TASOR2: variants seen among roughly 807,000 people sequenced by gnomAD.
TASOR2 encodes transcription activation suppressor family member 2.
A neutral mutation model predicts 199.5 loss-of-function variants in TASOR2; 84 were observed. The observed-to-expected ratio is 0.42, with a 90% confidence interval of 0.35 to 0.50. The LOEUF is 0.50. Among genes scored for constraint, TASOR2 ranks in the 20% least tolerant of loss-of-function variants. The pLI is 0.02. For synonymous variants in TASOR2, 1,103 were observed against 1,046.6 expected, an observed-to-expected ratio of 1.05 and a Z score of -1.04; for missense variants, 2,796 against 2,835.9, an observed-to-expected ratio of 0.99 and a Z score of 0.32.
At chr10:5,700,512 C>G (rs1252766597) in intron 1 of TASOR2, among the ~76,000 whole-genome samples, 1 of 152,068 alleles carries the variant, frequency 6.6e-6, no homozygotes, top group African/African-American at 2.4e-5. Flanking sequence ...GCTCTGTACT[C>G]TTTTCCATAG....
Position 5,759,113 on chromosome 10 carries a change from AGGG to A in TASOR2, c.6992+122_6992+124del. The A allele has an allele frequency of 1.2e-5, 8 of 671,390 alleles. No individual in the cohort carries two copies. In the South Asian group the frequency reaches 1.5e-4, roughly 13 times the overall value. The allele number at this position is 671,390 out of a possible 1,614,324, so 41.6% of individuals were successfully genotyped here. On this transcript the variant is annotated intron_variant, in intron 18 of 20. Transcript: ENST00000328090. Reference sequence around the variant, plus strand: ...ATGGCCTTCATCAGTAAAGAGCATGAGGGCTGCTGGCTCTGTATTCAATGAAGG... The same window carrying A: ...ATGGCCTTCATCAGTAAAGAGCATGACTGCTGGCTCTGTATTCAATGAAGG...
Position 5,720,991 on chromosome 10 carries a change from C to A in TASOR2, c.146+21C>A. ...CAGCTGTAAGTATTAAATGTTATGT[C>A]CTTTACTAATGCTTATATTACAAGT... On this transcript the variant is annotated intron_variant, in intron 6 of 20. Transcript: ENST00000328090. This position sits in a 1 kb window ranked among gnomAD's most constrained non-coding sequence, Gnocchi z 5.3. 1 of 1,560,542 alleles carries A rather than the reference C, an allele frequency of 6.4e-7. No homozygotes were observed. The highest frequency in any genetic ancestry group is 8.7e-7 in the Non-Finnish European group (1 of 1,146,228).
chr10:5,747,729 C>T (rs891213237), exon 15 of TASOR2: 2 of 1,614,008 alleles, frequency 1.2e-6, no homozygotes, highest in Non-Finnish European at 1.7e-6. Context: ...AGAAGAGCAA[C>T]CAAATCTCCC....
chr10:5,699,441 G>C lies in TASOR2; in HGVS notation c.-287-13382G>C, dbSNP rs1435625072. The C allele has an allele frequency of 6.6e-6, 1 of 152,288 alleles. No homozygotes were observed. Among genetic ancestry groups the C allele is most frequent in the East Asian group, 1.9e-4 (1 of 5,192 alleles). 9.4% of individuals were successfully genotyped at this position (152,288 alleles called of 1,614,324 possible). A position where few individuals can be genotyped will look rare whatever the true frequency, so the allele number is the denominator to read the frequency against. The stretch of plus-strand genomic sequence containing the variant: ...CTGTGGATATACTAAGCACAATTCT[G>C]TGGATATACTAAAAGCAATTGAATT... On this transcript the variant is annotated intron_variant, in intron 1 of 20. Coordinates refer to ENST00000328090, the Ensembl canonical transcript of TASOR2. This position sits in a 1 kb window ranked among gnomAD's most constrained non-coding sequence, Gnocchi z 4.1.
Position 5,737,859 on chromosome 10 carries a change from C to T in TASOR2, c.1448-1759C>T, listed in dbSNP as rs1476863468. Among the ~76,000 whole-genome samples, 1 of 152,132 alleles carries T rather than the reference C, an allele frequency of 6.6e-6. No individual in the cohort carries two copies. Among genetic ancestry groups the T allele is most frequent in the Non-Finnish European group, 1.5e-5 (1 of 68,032 alleles). ...TTGCATACTGGCAGAAAAGTGAGCC[C>T]AGAAAATTTAAAGTTTCAAAATGTG... On this transcript the variant is annotated intron_variant, in intron 12 of 20. Coordinates refer to ENST00000328090, the Ensembl canonical transcript of TASOR2. This position sits in a 1 kb window ranked among gnomAD's most constrained non-coding sequence, Gnocchi z 4.9.
At chr10:5,718,239 T>G (rs1832888131) in intron 3 of TASOR2, among the ~76,000 whole-genome samples, 1 of 151,920 alleles carries the variant, frequency 6.6e-6, no homozygotes, top group Non-Finnish European at 1.5e-5. Context: ...ATCGTGCAAT[T>G]AGAATTTTCA....
chr10:5,685,409 C>A lies in TASOR2; in HGVS notation c.-288+234C>A, dbSNP rs1439773440. The stretch of plus-strand genomic sequence containing the variant: ...GCTCGGTGTCGCCGGCAGGGAGATC[C>A]TAACCGTGTCATCTTGCCCCTTTCT... On this transcript the variant is annotated intron_variant, in intron 1 of 20. Transcript: ENST00000328090. The surrounding 1 kb of genome is among the most constrained non-coding windows in gnomAD (Gnocchi z 5.4). Among the ~76,000 whole-genome samples, 1 of 151,874 alleles carries A rather than the reference C, an allele frequency of 6.6e-6. No individual in the cohort carries two copies. The highest frequency in any genetic ancestry group is 1.5e-5 in the Non-Finnish European group (1 of 67,956).
exon 21 of TASOR2, chr10:5,763,312 T>G (rs1840166858): frequency 1.5e-5 from 5 of 331,462 alleles, no homozygotes; most frequent in Non-Finnish European, 2.2e-5. Flanking sequence ...TTAAAAATAA[T>G]TTTACATGTT....
intron 8 of TASOR2, 135 bp downstream of exon 9, chr10:5,724,668 T>C (rs181390978): frequency 3.8e-5 from 7 of 182,934 alleles, no homozygotes; most frequent in Non-Finnish European, 7.9e-5. Flanking sequence ...GATATAGATA[T>C]ATAGATATAG....
Position 5,748,986 on chromosome 10 carries a change from C to A in TASOR2, c.5565C>A (p.Tyr1855Ter), listed in dbSNP as rs1470666882. The change falls in exon 15 of 21, where the codon TAC becomes TAA. Residue 1855 changes from tyrosine to a stop codon, truncating the protein, a stop_gained. Coordinates refer to ENST00000328090, the Ensembl canonical transcript of TASOR2. LOFTEE classifies it high-confidence loss of function. The surrounding 1 kb of genome is among the most constrained non-coding windows in gnomAD (Gnocchi z 5.1). ...ATTCTTATACTTTAAGAGGTAGTTA[C>A]ACCAGGAAAAAAGATGTTCCCACAG... 3.7e-6 allele frequency: 6 copies of A among 1,613,928 alleles called. No individual in the cohort carries two copies. The highest frequency in any genetic ancestry group is 5.1e-6 in the Non-Finnish European group (6 of 1,180,010).
In TASOR2 at chr10:5,762,656, C is replaced by T; in HGVS notation, c.7289+10C>T. 8.2e-7 allele frequency: 1 copy of T among 1,226,648 alleles called. No individual in the cohort carries two copies. Among genetic ancestry groups the T allele is most frequent in the Non-Finnish European group, 1.2e-6 (1 of 857,652 alleles). 76.0% of individuals were successfully genotyped at this position (1,226,648 alleles called of 1,614,324 possible). ...TTAGGAGTAGCTATTGGTAAGAACA[C>T]TTTTTATGTAACTTTCCCATGTGAG... On this transcript the variant is annotated intron_variant, in intron 20 of 20. Transcript: ENST00000328090.
chr10:5,684,937 CAG>C (rs1835639031), exon 1 of TASOR2: 1 of 397,764 alleles, frequency 2.5e-6, no homozygotes, highest in South Asian at 1.3e-4. Flanking sequence ...TGACGGGAGA[CAG>C]AGCGCGGGCG....
rs1483166124 is a variant in TASOR2 at position 5,752,487 on chromosome 10, T to C, written c.6606+2460T>C. Among the ~76,000 whole-genome samples, 2 of 152,200 alleles carry C rather than the reference T, an allele frequency of 1.3e-5. No individual in the cohort carries two copies. The highest frequency in any genetic ancestry group is 4.8e-5 in the African/African-American group (2 of 41,452). The stretch of plus-strand genomic sequence containing the variant: ...CCGTGTGTCGGCTCCACATGCCCAC[T>C]GGGTCTGTCTCAGACTTCACTTACA... On this transcript the variant is annotated intron_variant, in intron 15 of 20. Coordinates refer to ENST00000328090, the Ensembl canonical transcript of TASOR2. This position sits in a 1 kb window ranked among gnomAD's most constrained non-coding sequence, Gnocchi z 4.4.
chr10:5,730,563 G>C lies in TASOR2; in HGVS notation c.564G>C (p.Leu188=), dbSNP rs762449744. 1 of 1,614,126 alleles carries C rather than the reference G, an allele frequency of 6.2e-7. No homozygotes were observed. The highest frequency in any genetic ancestry group is 1.7e-5 in the Admixed American group (1 of 60,010). ...TTTTATCTACCCTTAATTGTGCCCT[G>C]CTAGAAACAAAGAAATCACTTCCTG... is the stretch of plus-strand genomic sequence containing the variant. The change falls in exon 11 of 21, where the codon CTG becomes CTC. Residue 188 remains leucine, a synonymous_variant. Transcript: ENST00000328090. This position sits in a 1 kb window ranked among gnomAD's most constrained non-coding sequence, Gnocchi z 4.1.
At chr10:5,692,149 C>CAAAA (rs3047334) in intron 1 of TASOR2, among the ~76,000 whole-genome samples, 46,303 of 112,126 alleles carry the variant, frequency 0.41, 11,604 homozygotes, top group Non-Finnish European at 0.52. Context: ...CACTCTGTCT[C>CAAAA]AAAAAAAAAA....
chr10:5,718,405 AAAAC>A (rs1240904198), intron 3 of TASOR2, among the ~76,000 whole-genome samples: 3 of 151,200 alleles, frequency 2.0e-5, no homozygotes, highest in African/African-American at 4.9e-5. Context: ...AAAAAAAAAA[AAAAC>A]AAGAGCCTGT....
Position 5,748,910 on chromosome 10 carries a change from C to T in TASOR2, c.5489C>T (p.Ser1830Phe). 1 of 1,614,132 alleles carries T rather than the reference C, an allele frequency of 6.2e-7. No homozygotes were observed. Among genetic ancestry groups the T allele is most frequent in the African/African-American group, 1.3e-5 (1 of 75,016 alleles). ...ATGCACTATGAACTCTCTGGAGATTCTGATCTAGACCTGCTTGGTGATTGT... is the reference window on the plus strand; with the variant it reads ...ATGCACTATGAACTCTCTGGAGATTTTGATCTAGACCTGCTTGGTGATTGT... The change falls in exon 15 of 21, where the codon TCT becomes TTT. Residue 1830 changes from serine (S) to phenylalanine (F), a missense_variant. By Grantham distance (155) the Ser-to-Phe change is radical (BLOSUM62 -2). Transcript: ENST00000328090. The surrounding 1 kb of genome is among the most constrained non-coding windows in gnomAD (Gnocchi z 5.1).
Position 5,754,908 on chromosome 10 carries a change from T to C in TASOR2, c.6607-1705T>C, listed in dbSNP as rs1838671677. On this transcript the variant is annotated intron_variant, in intron 15 of 20. Coordinates refer to ENST00000328090, the Ensembl canonical transcript of TASOR2. This position sits in a 1 kb window ranked among gnomAD's most constrained non-coding sequence, Gnocchi z 4.3. ...AATACAAAAAGAAATTAGCTGGGCG[T>C]GGTGGCGGGTGCCTGTAGTCCCAGC... Among the ~76,000 whole-genome samples, 1 of 151,232 alleles carries C rather than the reference T, an allele frequency of 6.6e-6. No individual in the cohort carries two copies. Among genetic ancestry groups the C allele is most frequent in the Admixed American group, 6.6e-5 (1 of 15,216 alleles).
chr10:5,746,676 A>C, exon 15 of TASOR2: 1 of 1,614,148 alleles, frequency 6.2e-7, no homozygotes, highest in South Asian at 1.1e-5. Context: ...TGATTAAGCA[A>C]GTATCACCTG....
Sources: gnomAD v4.1 joint callset for allele counts (sites outside exome capture counted in the v4.1 genomes callset) on GRCh38, gnomAD v4.1.1 for gene constraint, Gnocchi (gnomAD v3.1) non-coding constraint, MANE v1.5 for transcripts, NCBI Gene and HGNC (gene_info 2026-07-23, HGNC 2026-07-21) for gene names.